The following NYAP2 variants were observed in gnomAD, a reference collection of about 807,000 sequenced individuals.
NYAP2 encodes neuronal tyrosine-phosphorylated phosphoinositide-3-kinase adapter 2.
A neutral mutation model predicts 50.4 loss-of-function variants in NYAP2; 23 were observed. The ratio of observed to expected loss-of-function variants is 0.46; its 90% confidence interval spans 0.33 to 0.65. NYAP2 has a LOEUF of 0.65. Among genes scored for constraint, NYAP2 ranks in the 30% least tolerant of loss-of-function variants. The probability of loss-of-function intolerance (pLI) is 0.02; values close to 1 mark genes in which losing one functional copy is unlikely to be tolerated. For synonymous variants in NYAP2, 394 were observed against 365.2 expected, an observed-to-expected ratio of 1.08 and a Z score of -0.90; for missense variants, 885 against 861.0, an observed-to-expected ratio of 1.03 and a Z score of -0.35.
At chr2:225,574,250 T>G (rs1031559748) in intron 4 of NYAP2, among the ~76,000 whole-genome samples, 4 of 152,084 alleles carry the variant, frequency 2.6e-5, no homozygotes, top group African/African-American at 9.7e-5. Context: ...CACTGGCAGG[T>G]CAGGGGCAGG....
At chr2:225,640,093 C>T (rs1255095689) in intron 6 of NYAP2, among the ~76,000 whole-genome samples, 1 of 152,200 alleles carries the variant, frequency 6.6e-6, no homozygotes, top group Non-Finnish European at 1.5e-5. Context: ...TATGTGATCA[C>T]ATATACAGAG....
chr2:225,606,833 A>T (rs80032088), intron 5 of NYAP2, among the ~76,000 whole-genome samples: 15,938 of 152,068 alleles, frequency 0.1, 950 homozygotes, highest in South Asian at 0.13. Flanking sequence ...TGGTTTCTTT[A>T]TTCTGTATAT....
the NYAP2 span, among the ~76,000 whole-genome samples, chr2:225,659,301 G>A: frequency 6.6e-6 from 1 of 152,122 alleles, no homozygotes. Context: ...TTTACCATCT[G>A]GAAGGGACAA....
chr2:225,544,861 G>A (rs10196978), intron 4 of NYAP2, among the ~76,000 whole-genome samples: 32,653 of 152,022 alleles, frequency 0.21, 3,505 homozygotes, highest in African/African-American at 0.24. Flanking sequence ...TTTCTTGTAG[G>A]ACAGGTCTGG....
intron 5 of NYAP2, among the ~76,000 whole-genome samples, chr2:225,599,315 A>G (rs1692658842): frequency 6.6e-6 from 1 of 152,222 alleles, no homozygotes; most frequent in African/African-American, 2.4e-5. Flanking sequence ...CCATGAAAAA[A>G]ATTATATTCA....
At chr2:225,615,371 T>G (rs1202846593) in intron 5 of NYAP2, among the ~76,000 whole-genome samples, 1 of 152,116 alleles carries the variant, frequency 6.6e-6, no homozygotes, top group African/African-American at 2.4e-5. Context: ...CTACTATTAA[T>G]GAGGGATGTT....
chr2:225,459,737 G>A (rs777160931), intron 3 of NYAP2, among the ~76,000 whole-genome samples: 30 of 152,054 alleles, frequency 2.0e-4, no homozygotes, highest in Middle Eastern at 3.4e-3. Flanking sequence ...TCCACCTCCC[G>A]GGTTCTCCCC....
rs143732075 is a variant in NYAP2, at chr2:225,495,050, A to G, written c.222-18321A>G. Among the ~76,000 whole-genome samples the G allele has an allele frequency of 1.7e-3, 260 of 152,338 alleles. 4 individuals carry two copies. The highest frequency in any genetic ancestry group is 1.5e-3 in the Non-Finnish European group (101 of 68,026). ...AATTAATTAGTGCTCACATAACTTT[A>G]TGCATAAAGTTTACATGTGTGCTTA... is the stretch of plus-strand genomic sequence containing the variant. On this transcript the variant is annotated intron_variant, in intron 3 of 6. Transcript: ENST00000636099.
chr2:225,611,307 T>C (rs1692881377), intron 5 of NYAP2, among the ~76,000 whole-genome samples: 1 of 152,128 alleles, frequency 6.6e-6, no homozygotes, highest in Admixed American at 6.5e-5. Flanking sequence ...GTGTGTGTTT[T>C]CCATGTATCC....
chr2:225,409,086 A>C, exon 3 of NYAP2: 2 of 1,599,022 alleles, frequency 1.3e-6, no homozygotes, highest in Non-Finnish European at 1.7e-6. Context: ...CGAAGACAAG[A>C]AGAAGCAATA....
chr2:225,687,925 T>G, the NYAP2 span, among the ~76,000 whole-genome samples: 34 of 152,318 alleles, frequency 2.2e-4, 1 homozygote, highest in Admixed American at 2.2e-3. Context: ...GTGCTCAGCC[T>G]ATCATCCATC....
intron 5 of NYAP2, among the ~76,000 whole-genome samples, chr2:225,606,454 T>G (rs1232914481): frequency 6.6e-6 from 1 of 152,188 alleles, no homozygotes; most frequent in Non-Finnish European, 1.5e-5. Flanking sequence ...CTAATTGTAA[T>G]TTCCTATGAG....
chr2:225,676,529 C>A, the NYAP2 span, among the ~76,000 whole-genome samples: 1 of 152,042 alleles, frequency 6.6e-6, no homozygotes, highest in South Asian at 2.1e-4. Context: ...GGAGGCCTCA[C>A]AATCATGGTG....
At chr2:225,462,946 A>G (rs555254276) in intron 3 of NYAP2, among the ~76,000 whole-genome samples, 10 of 152,334 alleles carry the variant, frequency 6.6e-5, no homozygotes, top group Admixed American at 4.6e-4. Context: ...TGTACTAATG[A>G]TCTGTAGCAG....
At chr2:225,601,566 G>GTTTTA (rs1692692134) in intron 5 of NYAP2, among the ~76,000 whole-genome samples, 1 of 152,036 alleles carries the variant, frequency 6.6e-6, no homozygotes, top group East Asian at 1.9e-4. Context: ...CTTTTGTTTT[G>GTTTTA]TTTTATTTTG....
chr2:225,408,940 C>G, exon 3 of NYAP2: 1 of 1,612,016 alleles, frequency 6.2e-7, no homozygotes, highest in Non-Finnish European at 8.5e-7. Context: ...ACACATTTCT[C>G]CAGTACATTG....
At chr2:225,511,573 A>G (rs1340082457) in intron 3 of NYAP2, among the ~76,000 whole-genome samples, 1 of 152,136 alleles carries the variant, frequency 6.6e-6, no homozygotes, top group Non-Finnish European at 1.5e-5. Flanking sequence ...TCTGAGTATC[A>G]GTTGAAAATA....
At chr2:225,462,144 GTTTA>G (rs1370914819) in intron 3 of NYAP2, among the ~76,000 whole-genome samples, 5 of 152,084 alleles carry the variant, frequency 3.3e-5, no homozygotes, top group East Asian at 1.9e-4. Context: ...AGTTGCATAG[GTTTA>G]TTTAATTAAT....
intron 4 of NYAP2, among the ~76,000 whole-genome samples, chr2:225,577,956 C>G (rs1429922816): frequency 6.6e-6 from 1 of 151,958 alleles, no homozygotes; most frequent in Admixed American, 6.6e-5. Context: ...TATTTTGAGA[C>G]AGTCTTGCTC....
Sources: allele counts gnomAD v4.1 joint callset (sites outside exome capture counted in the v4.1 genomes callset), GRCh38; gene constraint gnomAD v4.1.1; transcripts MANE v1.5; gene names NCBI Gene and HGNC (gene_info 2026-07-23, HGNC 2026-07-21).